SPIDR: variants seen among roughly 807,000 people sequenced by gnomAD.
SPIDR encodes scaffold protein involved in DNA repair, also known as DNA repair-scaffolding protein.
SPIDR carries 93 observed loss-of-function variants against 104.6 expected under a neutral mutation model. That is an observed-to-expected ratio of 0.89 (90% confidence interval 0.75 to 1.06). The LOEUF is 1.06. Among genes scored for constraint, SPIDR ranks in the 50% least tolerant of loss-of-function variants. The probability of loss-of-function intolerance (pLI) is 0.00; values close to 1 mark genes in which losing one functional copy is unlikely to be tolerated. For synonymous variants in SPIDR, 431 were observed against 416.9 expected (o/e 1.03, Z -0.41); for missense variants, 1,154 against 1,111.2 (o/e 1.04, Z -0.55).
At chr8:47,664,166 C>T (rs955086376) in intron 10 of SPIDR, among the ~76,000 whole-genome samples, 5 of 152,076 alleles carry the variant, frequency 3.3e-5, no homozygotes, top group Admixed American at 1.3e-4. Context: ...GTACATTTCA[C>T]CCTTCATGGC....
At chr8:47,274,863 C>T (rs930207523) in intron 1 of SPIDR, among the ~76,000 whole-genome samples, 23 of 151,688 alleles carry the variant, frequency 1.5e-4, no homozygotes, top group Middle Eastern at 3.4e-3. Context: ...CATGAGCCAC[C>T]GCGCCCGGCC....
intron 4 of SPIDR, 63 bp downstream of exon 4, chr8:47,291,200 C>T: frequency 8.9e-7 from 1 of 1,127,178 alleles, no homozygotes; most frequent in Non-Finnish European, 1.3e-6. Context: ...TCCAGAAGAT[C>T]AGAGTAATGA....
At chr8:47,627,296 A>G (rs943429090) in intron 10 of SPIDR, among the ~76,000 whole-genome samples, 3 of 152,156 alleles carry the variant, frequency 2.0e-5, no homozygotes, top group Non-Finnish European at 4.4e-5. Flanking sequence ...CTAAATGACA[A>G]GTTAATGGGT....
chr8:47,701,808 C>T lies in SPIDR; in HGVS notation c.1861C>T (p.Pro621Ser), dbSNP rs1445776138. The change falls in exon 13 of 20, where the codon CCC becomes TCC. Residue 621 changes from proline (P) to serine (S), a missense_variant. Transcript: ENST00000297423. ...LGQIDIIDED[P>S]IYKLYQPPVT... The stretch of plus-strand genomic sequence containing the variant: ...ACAAATTGATATAATTGACGAAGAC[C>T]CCATTTATAAGCTTTACCAGCCTCC... 6.2e-7 allele frequency: 1 copy of T among 1,614,074 alleles called. No homozygotes were observed. The highest frequency in any genetic ancestry group is 2.2e-5 in the East Asian group (1 of 44,870).
chr8:47,424,481 A>C (rs2066094496), intron 7 of SPIDR, among the ~76,000 whole-genome samples: 1 of 151,882 alleles, frequency 6.6e-6, no homozygotes, highest in African/African-American at 2.4e-5. Flanking sequence ...TTTAAAAAAA[A>C]ATTTCTTTTT....
chr8:47,398,004 C>G (rs939747088), intron 6 of SPIDR, among the ~76,000 whole-genome samples: 3 of 151,978 alleles, frequency 2.0e-5, no homozygotes, highest in Non-Finnish European at 4.4e-5. Flanking sequence ...AGGATGTGGC[C>G]GAGTTTAGTG....
chr8:47,373,764 G>A (rs1270029720), intron 5 of SPIDR, among the ~76,000 whole-genome samples: 4 of 152,154 alleles, frequency 2.6e-5, no homozygotes, highest in East Asian at 3.8e-4. Context: ...TTGAAATGCA[G>A]TTTTCTGGCT....
intron 8 of SPIDR, among the ~76,000 whole-genome samples, chr8:47,490,550 C>T (rs201934601): frequency 3.9e-5 from 6 of 152,214 alleles, no homozygotes; most frequent in East Asian, 3.9e-4. Context: ...TGCACATGTA[C>T]GTTTATTGTG....
chr8:47,699,328 C>G (rs914815273), intron 11 of SPIDR, among the ~76,000 whole-genome samples: 1 of 152,200 alleles, frequency 6.6e-6, no homozygotes, highest in Non-Finnish European at 1.5e-5. Context: ...GAAGGGCTGA[C>G]ACAAGGTCCA....
intron 8 of SPIDR, among the ~76,000 whole-genome samples, chr8:47,485,825 A>G (rs1394060426): frequency 6.6e-6 from 1 of 152,244 alleles, no homozygotes; most frequent in Non-Finnish European, 1.5e-5. Flanking sequence ...AACAGCAAGG[A>G]CATCCACACC....
chr8:47,322,675 C>G (rs2046911798), intron 5 of SPIDR, among the ~76,000 whole-genome samples: 1 of 152,158 alleles, frequency 6.6e-6, no homozygotes, highest in Non-Finnish European at 1.5e-5. Context: ...ATCGCAGAGA[C>G]TTGGAGCCAA....
intron 8 of SPIDR, among the ~76,000 whole-genome samples, chr8:47,491,364 AAAAG>A (rs1351324753): frequency 2.0e-5 from 3 of 152,144 alleles, no homozygotes; most frequent in African/African-American, 7.2e-5. Flanking sequence ...TTAAAAGAAA[AAAAG>A]AAACAGATCC....
intron 10 of SPIDR, among the ~76,000 whole-genome samples, chr8:47,637,519 G>A (rs544560339): frequency 3.9e-5 from 6 of 152,188 alleles, no homozygotes; most frequent in East Asian, 1.9e-4. Flanking sequence ...GCAATGAGCC[G>A]AGATGGTACC....
At chr8:47,499,778 T>G (rs2154370502) in intron 8 of SPIDR, among the ~76,000 whole-genome samples, 1 of 152,194 alleles carries the variant, frequency 6.6e-6, no homozygotes, top group Non-Finnish European at 1.5e-5. Flanking sequence ...CCTAATGCTA[T>G]CCCTCCACCC....
chr8:47,328,809 T>C (rs1476587694), intron 5 of SPIDR, among the ~76,000 whole-genome samples: 2 of 152,172 alleles, frequency 1.3e-5, no homozygotes, highest in African/African-American at 4.8e-5. Context: ...TTTTTCTAAA[T>C]GTTTCAGGGT....
At chr8:47,381,758 C>T (rs897194168) in intron 5 of SPIDR, among the ~76,000 whole-genome samples, 4 of 152,228 alleles carry the variant, frequency 2.6e-5, no homozygotes, top group Non-Finnish European at 5.9e-5. Flanking sequence ...TGGCACCAGG[C>T]GCACAAGGTG....
intron 11 of SPIDR, among the ~76,000 whole-genome samples, chr8:47,685,517 A>ATTTTTTT (rs370526185): frequency 1.3e-3 from 173 of 130,158 alleles, no homozygotes; most frequent in Middle Eastern, 3.9e-3. Context: ...TTATTTATTT[A>ATTTTTTT]TTTTTTTGAG....
At chr8:47,285,280 G>A (rs2038620385) in intron 3 of SPIDR, among the ~76,000 whole-genome samples, 1 of 152,092 alleles carries the variant, frequency 6.6e-6, no homozygotes, top group African/African-American at 2.4e-5. Context: ...CATGGAAGAG[G>A]TTCTATGCAA....
chr8:47,605,351 G>T lies in SPIDR; in HGVS notation c.1544+6155G>T, dbSNP rs141473500. Among the ~76,000 whole-genome samples, 21 of 152,324 alleles carry T rather than the reference G, an allele frequency of 1.4e-4. No individual in the cohort carries two copies. In the East Asian group the frequency reaches 3.9e-3, roughly 28 times the overall value. ...CTGGGTCACTTCACGAGCAGGAGGT[G>T]TAGGGAGCAGTGAGCACAGAAGCTC... On this transcript the variant is annotated intron_variant, in intron 10 of 19. Coordinates refer to ENST00000297423, the MANE Select transcript of SPIDR (RefSeq NM_001080394.4).
Sources: gnomAD v4.1 joint callset for allele counts (sites outside exome capture counted in the v4.1 genomes callset) on GRCh38, gnomAD v4.1.1 for gene constraint, MANE v1.5 for transcripts, NCBI Gene and HGNC (gene_info 2026-07-23, HGNC 2026-07-21) for gene names.